Variants in PLEKHB1 observed in about 807,000 individuals in gnomAD.
PLEKHB1 encodes pleckstrin homology domain-containing family B member 1.
In PLEKHB1, 29 loss-of-function variants were observed where a neutral mutation model predicts 36.2. The ratio of observed to expected loss-of-function variants is 0.80; its 90% CI spans 0.60 to 1.09. The LOEUF (loss-of-function observed/expected upper bound fraction) is 1.09. PLEKHB1 is among the 50% of genes least tolerant of loss of function. The probability of loss-of-function intolerance (pLI) is 0.00; values close to 1 mark genes in which losing one functional copy is unlikely to be tolerated. For synonymous variants in PLEKHB1, 138 were observed against 140.0 expected (o/e 0.99, Z 0.10); for missense variants, 330 against 348.2 (o/e 0.95, Z 0.42).
intron 2 of PLEKHB1, 108 bp from the exon 3 acceptor site, chr11:73,650,445 T>C: frequency 8.0e-7 from 1 of 1,254,110 alleles, no homozygotes; most frequent in Non-Finnish European, 1.1e-6. Flanking sequence ...AAAAAGGTGG[T>C]TGTAACACTA....
rs1355523860 is a variant in PLEKHB1 at position 73,659,298 on chromosome 11, ATGAG to A, written c.496-1452_496-1449del. Among the ~76,000 whole-genome samples, 3 of 151,646 alleles carry A rather than the reference ATGAG, an allele frequency of 2.0e-5. No individual in the cohort carries two copies. In the East Asian group the frequency reaches 5.8e-4, roughly 29 times the overall value. On this transcript the variant is annotated intron_variant, in intron 6 of 7. Coordinates refer to ENST00000354190, the MANE Select transcript of PLEKHB1 (RefSeq NM_021200.3). Reference sequence around the variant, plus strand: ...GGAGAAATGTTGCAATCATCTTGAGATGAGTGGAGTTTGAGACACCTGGACTTCT... The same window carrying A: ...GGAGAAATGTTGCAATCATCTTGAGATGGAGTTTGAGACACCTGGACTTCT...
rs2134833818 is a variant in PLEKHB1, at chr11:73,661,340, A to T, written c.596-126A>T. 9.3e-7 allele frequency: 1 copy of T among 1,072,352 alleles called. No homozygotes were observed. Among genetic ancestry groups the T allele is most frequent in the Non-Finnish European group, 1.4e-6 (1 of 733,816 alleles). 66.4% of individuals were successfully genotyped at this position (1,072,352 alleles called of 1,614,324 possible). On this transcript the variant is annotated intron_variant, in intron 7 of 7. Coordinates refer to ENST00000354190, the MANE Select transcript of PLEKHB1 (RefSeq NM_021200.3). This position sits in a 1 kb window ranked among gnomAD's most constrained non-coding sequence, Gnocchi z 4.6. Reference sequence around the variant, plus strand: ...TTCCCGCGTCTAGATCTGTTCTTTGACTGGGGAGCAGGAGAGTGGGTTCGG... The same window carrying T: ...TTCCCGCGTCTAGATCTGTTCTTTGTCTGGGGAGCAGGAGAGTGGGTTCGG...
rs115274627 is a variant in PLEKHB1, at chr11:73,656,043, C to T, written c.495+136C>T. On this transcript the variant is annotated intron_variant, in intron 6 of 7. Transcript: ENST00000354190. ...ACCCACAGGACACAAACCAGCTGCT[C>T]TGCTGTACCCTCTGTCCCCAGCCAC... 4.4e-3 allele frequency: 3,191 copies of T among 722,430 alleles called. 54 individuals carry two copies. The African/African-American group carries it at 0.045, about 10-fold the overall frequency. The allele number at this position is 722,430 out of a possible 1,614,324, so 44.8% of individuals were successfully genotyped here. A position where few individuals can be genotyped will look rare whatever the true frequency, so the allele number is the denominator to read the frequency against.
At chr11:73,658,798 G>A (rs960129839) in intron 6 of PLEKHB1, among the ~76,000 whole-genome samples, 1 of 152,080 alleles carries the variant, frequency 6.6e-6, no homozygotes, top group African/African-American at 2.4e-5. Context: ...TTAATTTTTT[G>A]TAGAGACAGG....
intron 6 of PLEKHB1, among the ~76,000 whole-genome samples, chr11:73,657,633 C>A (rs906105724): frequency 1.1e-4 from 16 of 152,120 alleles, no homozygotes; most frequent in African/African-American, 3.6e-4. Flanking sequence ...CAGGTGCCCT[C>A]GAGGGATATG....
At chr11:73,660,693 G>A (rs749893915) in intron 6 of PLEKHB1, 60 bp from the exon 7 acceptor site, 14 of 1,502,186 alleles carry the variant, frequency 9.3e-6, no homozygotes, top group Non-Finnish European at 1.3e-5. Flanking sequence ...AGGCGTGGGG[G>A]TAGGGGACCA....
chr11:73,660,131 G>T (rs1170429321), intron 6 of PLEKHB1, among the ~76,000 whole-genome samples: 1 of 152,184 alleles, frequency 6.6e-6, no homozygotes, highest in Non-Finnish European at 1.5e-5. Flanking sequence ...CAGGGCAGTA[G>T]CCTGCTGAAC....
chr11:73,653,004 A>T lies in PLEKHB1; in HGVS notation c.380A>T (p.Asn127Ile). 6.2e-7 allele frequency: 1 copy of T among 1,607,936 alleles called. No homozygotes were observed. The highest frequency in any genetic ancestry group is 8.5e-7 in the Non-Finnish European group (1 of 1,176,312). The change falls in exon 5 of 8, where the codon AAC (asparagine) becomes ATC (isoleucine). Residue 127 changes from asparagine (N) to isoleucine (I), a missense_variant. Transcript: ENST00000354190. ...LAWKTALLEA[N>I]STPAPAGATV... The stretch of plus-strand genomic sequence containing the variant: ...TGGAAGACAGCACTGCTGGAGGCAA[A>T]CTCCACCCCGGTGAGTCTCCCGTTC...
Position 73,661,782 on chromosome 11 carries a change from A to G in PLEKHB1, c.*180A>G, listed in dbSNP as rs1945130061. On this transcript the variant is annotated 3_prime_UTR_variant, in exon 8 of 8. Coordinates refer to ENST00000354190, the MANE Select transcript of PLEKHB1 (RefSeq NM_021200.3). This position sits in a 1 kb window ranked among gnomAD's most constrained non-coding sequence, Gnocchi z 4.6. ...CTTAATCCCCACATGGGAAGAAGCTATCATCACAGGTACAAACATCGCTTG... is the reference window on the plus strand; with the variant it reads ...CTTAATCCCCACATGGGAAGAAGCTGTCATCACAGGTACAAACATCGCTTG... The G allele has an allele frequency of 9.5e-6, 7 of 736,002 alleles. No homozygotes were observed. The highest frequency in any genetic ancestry group is 3.6e-5 in the African/African-American group (2 of 54,854). The allele number at this position is 736,002 out of a possible 1,614,324, so 45.6% of individuals were successfully genotyped here.
intron 5 of PLEKHB1, among the ~76,000 whole-genome samples, chr11:73,653,688 ACG>A (rs372487413): frequency 5.9e-5 from 9 of 151,974 alleles, no homozygotes; most frequent in East Asian, 1.9e-4. Flanking sequence ...GGTAAAGGGC[ACG>A]GCATTCCAGG....
intron 4 of PLEKHB1, chr11:73,652,736 G>A (rs1378731983): frequency 2.1e-6 from 1 of 477,198 alleles, no homozygotes; most frequent in Non-Finnish European, 3.7e-6. Context: ...CTGTATAGAT[G>A]AGGAAACTGG....
rs1012455397 is a variant in PLEKHB1 at position 73,649,700 on chromosome 11, C to T, written c.94+613C>T. 2.0e-5 allele frequency among the ~76,000 whole-genome samples: 3 copies of T among 152,190 alleles called. 1 individual carries two copies. Reference sequence around the variant, plus strand: ...CTCGGGCTTCTAGACCCACCTCTGACCAGAGTCATGACCTGAGCAAGAGCT... The same window carrying T: ...CTCGGGCTTCTAGACCCACCTCTGATCAGAGTCATGACCTGAGCAAGAGCT... On this transcript the variant is annotated intron_variant, in intron 2 of 7. Transcript: ENST00000354190.
Position 73,651,862 on chromosome 11 carries a change from C to T in PLEKHB1, c.322C>T (p.Leu108Phe), listed in dbSNP as rs1478902055. 2 of 1,613,588 alleles carry T rather than the reference C, an allele frequency of 1.2e-6. No homozygotes were observed. Among genetic ancestry groups the T allele is most frequent in the African/African-American group, 2.7e-5 (2 of 75,070 alleles). Reference protein sequence around the residue: ...VNLREGGRLHLCAETKDDALA... With the variant: ...VNLREGGRLHFCAETKDDALA... ...CCTACGGGAAGGCGGCCGCCTGCAC[C>T]TCTGTGCGGAGACCAAGGATGATGC... Residue 108 changes from leucine to phenylalanine, a missense_variant, in exon 4 of 8, where the codon CTC becomes TTC. Leu to Phe is a conservative substitution (Grantham distance 22, BLOSUM62 0). Coordinates refer to ENST00000354190, the MANE Select transcript of PLEKHB1 (RefSeq NM_021200.3).
intron 1 of PLEKHB1, chr11:73,647,849 C>A: frequency 1.0e-6 from 1 of 976,236 alleles, no homozygotes; most frequent in Non-Finnish European, 1.2e-6. Context: ...ACAGACAAGG[C>A]TGGGCCTTCC....
intron 6 of PLEKHB1, among the ~76,000 whole-genome samples, chr11:73,656,331 G>A (rs1027811903): frequency 3.9e-5 from 6 of 152,086 alleles, no homozygotes; most frequent in Non-Finnish European, 8.8e-5. Flanking sequence ...TCTTCCATGA[G>A]GCCTAGAACT....
In PLEKHB1 at chr11:73,653,002, A is replaced by T; in HGVS notation, c.378A>T (p.Ala126=). Residue 126 remains alanine, a synonymous_variant, in exon 5 of 8, where the codon GCA becomes GCT. Transcript: ENST00000354190. The part of the protein sequence containing the change: ...ALAWKTALLE[A]NSTPAPAGAT... Reference sequence around the variant, plus strand: ...CATGGAAGACAGCACTGCTGGAGGCAAACTCCACCCCGGTGAGTCTCCCGT... The same window carrying T: ...CATGGAAGACAGCACTGCTGGAGGCTAACTCCACCCCGGTGAGTCTCCCGT... 6.2e-7 allele frequency: 1 copy of T among 1,609,736 alleles called. No individual in the cohort carries two copies. The highest frequency in any genetic ancestry group is 1.3e-5 in the African/African-American group (1 of 74,928).
At chr11:73,647,597 A>C (rs1324339655) in intron 1 of PLEKHB1, 1 of 985,440 alleles carries the variant, frequency 1.0e-6, no homozygotes, top group Non-Finnish European at 1.2e-6. Flanking sequence ...GCCCGGGGGC[A>C]GCTGGGCTCT....
intron 4 of PLEKHB1, 50 bp from the exon 5 acceptor site, chr11:73,652,925 C>T (rs758551680): frequency 1.2e-5 from 18 of 1,534,660 alleles, no homozygotes; most frequent in African/African-American, 2.7e-5. Context: ...GGGCCCAATT[C>T]ACCCACCCCC....
chr11:73,660,872 C>G lies in PLEKHB1; in HGVS notation c.595+20C>G. ...ACGCAGGTAAGTCTCCAGCGTGCCC[C>G]GGGGCTTGCCTCGATCCAGCACCGA... On this transcript the variant is annotated intron_variant, in intron 7 of 7. Transcript: ENST00000354190. The G allele has an allele frequency of 1.3e-6, 2 of 1,563,364 alleles. No individual in the cohort carries two copies. The highest frequency in any genetic ancestry group is 1.7e-6 in the Non-Finnish European group (2 of 1,154,340).
Sources: gnomAD v4.1 joint callset for allele counts (sites outside exome capture counted in the v4.1 genomes callset) on GRCh38, gnomAD v4.1.1 for gene constraint, Gnocchi (gnomAD v3.1) non-coding constraint, MANE v1.5 for transcripts, NCBI Gene and HGNC (gene_info 2026-07-23, HGNC 2026-07-21) for gene names.